The following INSL6 variants were observed in gnomAD, a reference collection of about 807,000 sequenced individuals.
INSL6 encodes the protein insulin like 6.
Under a neutral mutation model 9.4 loss-of-function variants are expected in INSL6, and 16 were observed. That is an observed-to-expected ratio of 1.70 (90% CI 1.15 to 2.59). The LOEUF is 2.59. INSL6 is among the 30% of genes most tolerant of loss of function. INSL6 has a pLI of 0.00. For missense variants in INSL6, 391 were observed against 257.3 expected, an observed-to-expected ratio of 1.52 and a Z score of -3.56; for synonymous variants, 154 against 96.9, an observed-to-expected ratio of 1.59 and a Z score of -3.46.
intron 3 of INSL6, chr9:5,127,216 CAT>C (rs766011298): frequency 6.8e-5 from 16 of 233,684 alleles, no homozygotes; most frequent in African/African-American, 2.2e-4. Flanking sequence ...GTTTTACACA[CAT>C]GAGGGCTGGT....
chr9:4,995,209 T>G, the INSL6 span, among the ~76,000 whole-genome samples: 1 of 152,216 alleles, frequency 6.6e-6, no homozygotes, highest in Admixed American at 6.5e-5. Context: ...TTGGCCCACT[T>G]TCTATTGGAT....
downstream of INSL6, among the ~76,000 whole-genome samples, chr9:5,122,204 C>G (rs1212052265): frequency 1.3e-5 from 2 of 152,074 alleles, no homozygotes; most frequent in Non-Finnish European, 2.9e-5. Context: ...TAAAACACAT[C>G]TCTGTAGCTG....
chr9:5,069,186 A>G, the INSL6 span: 3 of 1,606,666 alleles, frequency 1.9e-6, no homozygotes, highest in East Asian at 2.2e-5. Context: ...AGTTTACTAA[A>G]TGCTGTCCCC....
chr9:5,165,037 G>T (rs1052345056), intron 1 of INSL6, among the ~76,000 whole-genome samples: 14 of 152,166 alleles, frequency 9.2e-5, no homozygotes, highest in African/African-American at 3.4e-4. Flanking sequence ...GCGAAACCCT[G>T]TCTCTACTAA....
intron 1 of INSL6, among the ~76,000 whole-genome samples, chr9:5,178,938 G>C (rs959892422): frequency 4.0e-5 from 6 of 151,442 alleles, no homozygotes; most frequent in African/African-American, 1.5e-4. Context: ...TAGCATTCAA[G>C]ACACAGGCAC....
At chr9:5,178,020 C>T (rs1003158639) in intron 1 of INSL6, among the ~76,000 whole-genome samples, 32 of 152,172 alleles carry the variant, frequency 2.1e-4, no homozygotes, top group African/African-American at 7.7e-4. Flanking sequence ...GGATTACAGG[C>T]ACATGCCACC....
intron 1 of INSL6, among the ~76,000 whole-genome samples, chr9:5,165,586 C>T (rs959486453): frequency 1.3e-5 from 2 of 152,122 alleles, no homozygotes; most frequent in Non-Finnish European, 2.9e-5. Flanking sequence ...CTCTTCAAAT[C>T]CTTTGCCCAT....
At chr9:5,111,318 C>T in the INSL6 span, 2 of 448,570 alleles carry the variant, frequency 4.5e-6, no homozygotes, top group South Asian at 1.9e-5. Context: ...CAGCCCCGGA[C>T]CCCTGTCCCC....
the INSL6 span, among the ~76,000 whole-genome samples, chr9:5,015,068 C>G: frequency 6.6e-6 from 1 of 152,218 alleles, no homozygotes; most frequent in African/African-American, 2.4e-5. Flanking sequence ...GCTTTTGCAA[C>G]ATTGTATTTT....
At chr9:5,132,553 T>TA (rs145340474) in intron 3 of INSL6, among the ~76,000 whole-genome samples, 17,776 of 144,946 alleles carry the variant, frequency 0.12, 3,128 homozygotes, top group African/African-American at 0.4. Context: ...TTCTTTTTCT[T>TA]AAAAAAAAAA....
chr9:5,149,459 G>C (rs1824670578), intron 2 of INSL6, among the ~76,000 whole-genome samples: 1 of 152,110 alleles, frequency 6.6e-6, no homozygotes, highest in Middle Eastern at 3.2e-3. Context: ...TAATGATCAA[G>C]CTGAAAACCA....
the INSL6 span, among the ~76,000 whole-genome samples, chr9:5,066,053 C>G: frequency 1.3e-5 from 2 of 152,142 alleles, no homozygotes; most frequent in Admixed American, 1.3e-4. Flanking sequence ...TTTATATTTA[C>G]TGAGTAACTA....
intron 2 of INSL6, among the ~76,000 whole-genome samples, chr9:5,146,864 G>C (rs1190160893): frequency 2.0e-5 from 3 of 152,138 alleles, no homozygotes; most frequent in African/African-American, 4.8e-5. Context: ...GTCAGGCATG[G>C]TCCACTGGTG....
At chr9:5,108,761 T>C in the INSL6 span, 7 of 152,056 alleles carry the variant, frequency 4.6e-5, no homozygotes, top group Admixed American at 3.9e-4. Context: ...TACAAACCGA[T>C]GTAAAATCAG....
At chr9:5,146,570 G>C (rs1824605125) in intron 2 of INSL6, among the ~76,000 whole-genome samples, 1 of 152,210 alleles carries the variant, frequency 6.6e-6, no homozygotes, top group Non-Finnish European at 1.5e-5. Context: ...AGGATACCCT[G>C]TTCTCTGTGC....
At chr9:5,069,340 A>G in the INSL6 span, 32 of 607,766 alleles carry the variant, frequency 5.3e-5, no homozygotes, top group Admixed American at 5.1e-4. Context: ...ATCTTATTCT[A>G]TTGTACAAGC....
At chr9:5,066,203 A>C in the INSL6 span, among the ~76,000 whole-genome samples, 1 of 152,142 alleles carries the variant, frequency 6.6e-6, no homozygotes, top group Non-Finnish European at 1.5e-5. Context: ...AAAAACCAGT[A>C]GTCTTTGTCA....
chr9:4,994,061 T>C, the INSL6 span, among the ~76,000 whole-genome samples: 1 of 152,216 alleles, frequency 6.6e-6, no homozygotes, highest in African/African-American at 2.4e-5. Flanking sequence ...CTGAACTGAA[T>C]TGGGTTAATA....
the INSL6 span, among the ~76,000 whole-genome samples, chr9:4,999,666 AG>A: frequency 0.014 from 2,091 of 152,278 alleles, 58 homozygotes; most frequent in African/African-American, 0.048. Flanking sequence ...CTGATGTTCA[AG>A]GGCAGGAAGC....
Sources: gnomAD v4.1 joint callset for allele counts (sites outside exome capture counted in the v4.1 genomes callset) on GRCh38, gnomAD v4.1.1 for gene constraint, MANE v1.5 for transcripts, NCBI Gene and HGNC (gene_info 2026-07-23, HGNC 2026-07-21) for gene names.